The following LRBA variants were observed in gnomAD, a reference collection of about 807,000 sequenced individuals.
LRBA encodes LPS responsive beige-like anchor protein.
A neutral mutation model predicts 330.0 loss-of-function variants in LRBA; 176 were observed. That is an observed-to-expected ratio of 0.53 (90% CI 0.47 to 0.60). The LOEUF is 0.60. LRBA is among the 20% of genes least tolerant of loss of function. The pLI is 0.00. For synonymous variants in LRBA, 1,230 were observed against 1,193.0 expected, an observed-to-expected ratio of 1.03 and a Z score of -0.64; for missense variants, 3,259 against 3,444.8, an observed-to-expected ratio of 0.95 and a Z score of 1.35.
intron 17 of LRBA, among the ~76,000 whole-genome samples, chr4:150,891,449 T>C (rs1729450083): frequency 6.6e-6 from 1 of 152,210 alleles, no homozygotes; most frequent in Non-Finnish European, 1.5e-5. Flanking sequence ...AGATGTTTCT[T>C]TGAAGGTATT....
At chr4:150,984,449 T>C (rs553535795) in intron 2 of LRBA, among the ~76,000 whole-genome samples, 45 of 151,796 alleles carry the variant, frequency 3.0e-4, no homozygotes, top group Admixed American at 5.2e-4. Context: ...GCGGAGGTTG[T>C]GGTGAGTGGA....
chr4:150,406,425 T>G (rs370245167), intron 47 of LRBA, among the ~76,000 whole-genome samples: 1 of 152,178 alleles, frequency 6.6e-6, no homozygotes, highest in African/African-American at 2.4e-5. Flanking sequence ...AGTAACATGA[T>G]CCAACTATAT....
intron 33 of LRBA, among the ~76,000 whole-genome samples, chr4:150,804,885 G>C (rs1044780303): frequency 2.0e-5 from 3 of 152,032 alleles, no homozygotes; most frequent in African/African-American, 4.8e-5. Flanking sequence ...GGCCAAGGTA[G>C]GGTTCAATCT....
chr4:150,448,186 A>C (rs539891470), intron 44 of LRBA, among the ~76,000 whole-genome samples: 3 of 152,296 alleles, frequency 2.0e-5, no homozygotes, highest in African/African-American at 7.2e-5. Context: ...GTCAAATATT[A>C]ATGGGATTGT....
intron 41 of LRBA, among the ~76,000 whole-genome samples, chr4:150,489,546 TAAG>T (rs1215553946): frequency 4.8e-5 from 5 of 103,982 alleles, no homozygotes; most frequent in Non-Finnish European, 8.7e-5. Context: ...ATATTATATA[TAAG>T]AATACATAAT....
At chr4:150,392,466 A>G (rs1744123493) in intron 47 of LRBA, among the ~76,000 whole-genome samples, 1 of 152,112 alleles carries the variant, frequency 6.6e-6, no homozygotes, top group Non-Finnish European at 1.5e-5. Context: ...CAATACCCTC[A>G]CAATGTCATC....
At chr4:150,284,229 G>A (rs1254938321) in intron 54 of LRBA, among the ~76,000 whole-genome samples, 1 of 152,090 alleles carries the variant, frequency 6.6e-6, no homozygotes, top group African/African-American at 2.4e-5. Flanking sequence ...ACCAGCAAAA[G>A]CCTCACATTA....
rs900140366 is a variant in LRBA, at chr4:150,735,244, T to C, written c.5754+14A>G. The stretch of plus-strand genomic sequence containing the variant: ...AACGGTAACTTCCGCACACCAACCA[T>C]ATGTGTAACCTACCTCAAATTCCGC... On this transcript the variant is annotated intron_variant, in intron 36 of 56. Coordinates refer to ENST00000651943, the MANE Select transcript of LRBA (RefSeq NM_001364905.1). 1.3e-6 allele frequency: 2 copies of C among 1,584,730 alleles called. No individual in the cohort carries two copies. The highest frequency in any genetic ancestry group is 1.7e-6 in the Non-Finnish European group (2 of 1,153,560).
At chr4:150,537,762 T>C (rs1055359050) in intron 40 of LRBA, among the ~76,000 whole-genome samples, 5 of 152,076 alleles carry the variant, frequency 3.3e-5, no homozygotes, top group African/African-American at 1.2e-4. Context: ...AGGACCAGCC[T>C]GAACAACATG....
intron 30 of LRBA, among the ~76,000 whole-genome samples, chr4:150,825,097 G>A (rs990864541): frequency 6.6e-6 from 1 of 151,570 alleles, no homozygotes; most frequent in Non-Finnish European, 1.5e-5. Context: ...AAAAATCTCA[G>A]AAGACACAAA....
At chr4:150,903,793 T>C (rs1053828568) in intron 13 of LRBA, among the ~76,000 whole-genome samples, 2 of 152,180 alleles carry the variant, frequency 1.3e-5, no homozygotes, top group African/African-American at 2.4e-5. Context: ...AGATTACTCA[T>C]ATGCTAATTA....
chr4:150,382,078 A>T (rs976692702), intron 47 of LRBA, among the ~76,000 whole-genome samples: 1 of 152,092 alleles, frequency 6.6e-6, no homozygotes, highest in Admixed American at 6.5e-5. Context: ...CAAATATATG[A>T]TTTGCAAATA....
intron 40 of LRBA, among the ~76,000 whole-genome samples, chr4:150,536,441 TGTG>T (rs527319442): frequency 4.1e-4 from 62 of 152,166 alleles, no homozygotes; most frequent in Non-Finnish European, 7.9e-4. Context: ...GCATTTCACT[TGTG>T]GTAGTGACTG....
At chr4:150,486,259 T>C (rs1205953826) in intron 42 of LRBA, among the ~76,000 whole-genome samples, 7 of 151,618 alleles carry the variant, frequency 4.6e-5, no homozygotes, top group South Asian at 2.1e-4. Flanking sequence ...AAATACCTAC[T>C]GCAAAAGAAA....
intron 2 of LRBA, among the ~76,000 whole-genome samples, chr4:150,950,740 T>A (rs1424443117): frequency 6.6e-6 from 1 of 152,186 alleles, no homozygotes. Flanking sequence ...TTGTCTGTAT[T>A]GTATTTACTC....
At position 150,355,861 on chromosome 4, in the gene LRBA, C is replaced by T. The variant is rs184684012; in HGVS notation, c.7195-5702G>A. ...GGAACTGACATTGAGATTGGCAAGG[C>T]GGTAATATACAAAGTTATAAACTTG... is the stretch of plus-strand genomic sequence containing the variant. On this transcript the variant is annotated intron_variant, in intron 47 of 56. Coordinates refer to ENST00000651943, the MANE Select transcript of LRBA (RefSeq NM_001364905.1). Among the ~76,000 whole-genome samples, 152 of 152,050 alleles carry T rather than the reference C, an allele frequency of 1.0e-3. 3 individuals are homozygous for T. The highest frequency in any genetic ancestry group is 1.8e-3 in the Admixed American group (28 of 15,256).
chr4:150,778,256 T>G (rs1170673637), intron 34 of LRBA, among the ~76,000 whole-genome samples: 2 of 152,154 alleles, frequency 1.3e-5, no homozygotes, highest in Admixed American at 1.3e-4. Context: ...TTCCCTTATT[T>G]TTGTGAACAT....
Position 150,928,614 on chromosome 4 carries a change from G to T in LRBA, c.451C>A (p.Leu151Ile), listed in dbSNP as rs775417128. 5 of 1,608,598 alleles carry T rather than the reference G, an allele frequency of 3.1e-6. No homozygotes were observed. Among genetic ancestry groups the T allele is most frequent in the Non-Finnish European group, 4.2e-6 (5 of 1,176,616 alleles). The change falls in exon 4 of 57, where the codon CTT becomes ATT. Residue 151 changes from leucine (L) to isoleucine (I), a missense_variant and splice_region_variant. Physicochemically the swap from Leu to Ile is conservative, Grantham distance 5. Transcript: ENST00000651943. ...IEKVDNMIADLLVDMLGVLAS... is the reference protein window; with the variant it reads ...IEKVDNMIADILVDMLGVLAS... The stretch of plus-strand genomic sequence containing the variant: ...AGCACTCCCAACATGTCAACCAAAA[G>T]ATCTGGAAACAAAAGAAAACGATAA...
At chr4:150,495,247 C>T (rs1458265717) in intron 40 of LRBA, among the ~76,000 whole-genome samples, 2 of 152,126 alleles carry the variant, frequency 1.3e-5, no homozygotes, top group African/African-American at 4.8e-5. Context: ...TATTAGTACA[C>T]ATATATCCAT....
Sources: allele counts gnomAD v4.1 joint callset (sites outside exome capture counted in the v4.1 genomes callset), GRCh38; gene constraint gnomAD v4.1.1; transcripts MANE v1.5; gene names NCBI Gene and HGNC (gene_info 2026-07-23, HGNC 2026-07-21).